The following TAF15 variants were observed in gnomAD, a reference collection of about 807,000 sequenced individuals.
TAF15 encodes TATA-binding protein-associated factor 2N.
A neutral mutation model predicts 102.5 loss-of-function variants in TAF15; 37 were observed. The ratio of observed to expected loss-of-function variants is 0.36; its 90% CI spans 0.28 to 0.47. The LOEUF is 0.47. Among genes scored for constraint, TAF15 ranks in the 20% least tolerant of loss-of-function variants. The probability of loss-of-function intolerance (pLI) is 0.99; values close to 1 mark genes in which losing one functional copy is unlikely to be tolerated. For synonymous variants in TAF15, 273 were observed against 259.2 expected, an observed-to-expected ratio of 1.05 and a Z score of -0.51; for missense variants, 652 against 760.7, an observed-to-expected ratio of 0.86 and a Z score of 1.68.
chr17:35,844,268 C>T lies in TAF15; in HGVS notation c.1089-12C>T. On this transcript the variant is annotated splice_polypyrimidine_tract_variant and intron_variant, in intron 13 of 15. Coordinates refer to ENST00000605844, the MANE Select transcript of TAF15 (RefSeq NM_139215.3). ...AACTATATAGGAGCATTATATTTTC[C>T]TCCTTTCTTAGGTCATGCGGAAATA... 6.2e-7 allele frequency: 1 copy of T among 1,614,088 alleles called. No individual in the cohort carries two copies.
chr17:35,824,047 T>C (rs766325897), intron 6 of TAF15, 31 bp from the exon 7 acceptor site: 1 of 1,614,000 alleles, frequency 6.2e-7, no homozygotes. Flanking sequence ...ATGAGAGTGG[T>C]TATTTGTGTG....
chr17:35,835,609 T>G (rs2087464252), intron 9 of TAF15, among the ~76,000 whole-genome samples: 1 of 152,250 alleles, frequency 6.6e-6, no homozygotes, highest in Non-Finnish European at 1.5e-5. Context: ...AATCCAAAAG[T>G]GTGCATGTCA....
rs766497184 is a variant in TAF15, at chr17:35,842,449, T to C, written c.996T>C (p.Gly332=). ...PEFMRGGGSG[G]GRRGRGGYRG... ...TCATGAGAGGAGGTGGAAGTGGAGG[T>C]GGGCGGCGAGGTAAGATCCTTGCTG... The change falls in exon 12 of 16, where the codon GGT becomes GGC. Residue 332 remains glycine (G), a synonymous_variant. Transcript: ENST00000605844. The C allele has an allele frequency of 6.2e-7, 1 of 1,613,616 alleles. No homozygotes were observed. The highest frequency in any genetic ancestry group is 1.3e-5 in the African/African-American group (1 of 74,868).
intron 15 of TAF15, among the ~76,000 whole-genome samples, chr17:35,845,633 C>G (rs4251788): frequency 0.14 from 21,954 of 152,086 alleles, 1,833 homozygotes; most frequent in East Asian, 0.22. Flanking sequence ...CCTCAGCCTC[C>G]CAAGTAGCTG....
At position 35,843,728 on chromosome 17, in the gene TAF15, C is replaced by T. The variant is rs184796300; in HGVS notation, c.1007-349C>T. The stretch of plus-strand genomic sequence containing the variant: ...GTTTTTGGATTTGGGCTGCTCAACT[C>T]GCAAGTATAAGGCAAATATTTCAAA... On this transcript the variant is annotated intron_variant, in intron 12 of 15. Coordinates refer to ENST00000605844, the MANE Select transcript of TAF15 (RefSeq NM_139215.3). Among the ~76,000 whole-genome samples, 104 of 152,160 alleles carry T rather than the reference C, an allele frequency of 6.8e-4. 2 individuals carry two copies. Among genetic ancestry groups the T allele is most frequent in the African/African-American group, 1.5e-3 (64 of 41,504 alleles).
In TAF15 at chr17:35,824,170, G is replaced by A. The variant is rs1416189464; in HGVS notation, c.577G>A (p.Asp193Asn). Residue 193 changes from aspartate (D) to asparagine (N), a missense_variant, in exon 7 of 16, where the codon GAT becomes AAT. By Grantham distance (23) the Asp-to-Asn change is conservative. Transcript: ENST00000605844. ...GGRGRGGYDK[D>N]GRGPMTGSSG... The stretch of plus-strand genomic sequence containing the variant: ...TAGAGGGCGTGGGGGATATGACAAG[G>A]ATGGAAGAGGTCCTATGACAGGATC... 2 of 1,613,976 alleles carry A rather than the reference G, an allele frequency of 1.2e-6. No homozygotes were observed. The highest frequency in any genetic ancestry group is 4.5e-5 in the East Asian group (2 of 44,880).
At chr17:35,838,329 A>G in intron 10 of TAF15, 95 bp from the exon 11 acceptor site, 1 of 1,534,994 alleles carries the variant, frequency 6.5e-7, no homozygotes, top group East Asian at 2.3e-5. Context: ...GAATGTGTGA[A>G]TTCCTTGTAA....
chr17:35,837,628 C>A (rs544682087), intron 10 of TAF15, among the ~76,000 whole-genome samples: 1 of 151,302 alleles, frequency 6.6e-6, no homozygotes, highest in South Asian at 2.1e-4. Context: ...GAGATCAAGA[C>A]CATCCTGGCT....
At chr17:35,815,845 ACT>A (rs1041480957) in intron 1 of TAF15, among the ~76,000 whole-genome samples, 1 of 151,412 alleles carries the variant, frequency 6.6e-6, no homozygotes, top group African/African-American at 2.4e-5. Flanking sequence ...GTTAGCTACA[ACT>A]CTAGCTATCT....
chr17:35,834,128 C>T (rs905235625), intron 8 of TAF15, 187 bp downstream of exon 8: 3 of 371,058 alleles, frequency 8.1e-6, no homozygotes, highest in Admixed American at 8.1e-5. Flanking sequence ...CATTAAAAAG[C>T]CAAAGTTGAT....
At chr17:35,809,859 G>A in intron 1 of TAF15, 2 of 585,048 alleles carry the variant, frequency 3.4e-6, no homozygotes, top group African/African-American at 3.7e-5. Flanking sequence ...GTGTGTGTGA[G>A]TCGGGGGGCG....
At chr17:35,846,440 G>T (rs751499475) in intron 15 of TAF15, among the ~76,000 whole-genome samples, 3 of 152,188 alleles carry the variant, frequency 2.0e-5, no homozygotes, top group Non-Finnish European at 4.4e-5. Flanking sequence ...ACTGTAAAGT[G>T]TTCTTATATT....
At chr17:35,840,614 C>A (rs192248628) in intron 11 of TAF15, among the ~76,000 whole-genome samples, 1 of 151,718 alleles carries the variant, frequency 6.6e-6, no homozygotes, top group East Asian at 2.0e-4. Flanking sequence ...GCCTGTAATC[C>A]CAGCACTTTG....
intron 7 of TAF15, chr17:35,833,589 G>T: frequency 4.1e-6 from 1 of 246,840 alleles, no homozygotes; most frequent in Non-Finnish European, 7.8e-6. Context: ...CTCTAGTTTA[G>T]TATTTTTCAT....
chr17:35,844,842 T>A lies in TAF15; in HGVS notation c.1543T>A (p.Tyr515Asn), dbSNP rs1387597922. 4 of 1,596,022 alleles carry A rather than the reference T, an allele frequency of 2.5e-6. No homozygotes were observed. In the African/African-American group the frequency reaches 4.2e-5, roughly 17 times the overall value. ...RGGYGGDRGG[Y>N]GGDRGGYGGD... ...AGGTTACGGAGGAGATCGAGGAGGT[T>A]ATGGAGGAGATCGAGGAGGCTATGG... The change falls in exon 15 of 16, where the codon TAT becomes AAT. Residue 515 changes from tyrosine (Y) to asparagine (N), a missense_variant. Tyr to Asn is a moderately radical substitution (Grantham distance 143). Coordinates refer to ENST00000605844, the MANE Select transcript of TAF15 (RefSeq NM_139215.3).
In TAF15 at chr17:35,838,479, G is replaced by A. The variant is rs923592778; in HGVS notation, c.839G>A (p.Gly280Glu). 1 of 1,614,166 alleles carries A rather than the reference G, an allele frequency of 6.2e-7. No individual in the cohort carries two copies. Among genetic ancestry groups the A allele is most frequent in the Non-Finnish European group, 8.5e-7 (1 of 1,180,024 alleles). The stretch of plus-strand genomic sequence containing the variant: ...AATCTTTATACAGACAAGGACACAG[G>A]AAAGCCAAAGGGGGAGGCAACAGTG... ...MINLYTDKDT[G>E]KPKGEATVSF... Residue 280 changes from glycine to glutamate, a missense_variant, in exon 11 of 16, where the codon GGA becomes GAA. Around this residue, in one of 3 missense-constraint regions of TAF15, gnomAD observed 41 missense variants for 109.1 expected, o/e 0.38. Transcript: ENST00000605844.
At chr17:35,815,372 C>CTT (rs888316140) in intron 1 of TAF15, among the ~76,000 whole-genome samples, 2 of 152,196 alleles carry the variant, frequency 1.3e-5, no homozygotes. Context: ...AACACCTGCA[C>CTT]TTTATCACTC....
chr17:35,824,454 G>A (rs556813293), intron 7 of TAF15, among the ~76,000 whole-genome samples: 1 of 152,242 alleles, frequency 6.6e-6, no homozygotes, highest in South Asian at 2.1e-4. Context: ...AACAACTATG[G>A]TTGTGATTAA....
chr17:35,838,155 C>G (rs573086796), intron 10 of TAF15, among the ~76,000 whole-genome samples: 1 of 152,152 alleles, frequency 6.6e-6, no homozygotes, highest in South Asian at 2.1e-4. Context: ...GCATTCCAAC[C>G]TGGGTGACAG....
Sources: allele counts gnomAD v4.1 joint callset (sites outside exome capture counted in the v4.1 genomes callset), GRCh38; gene constraint gnomAD v4.1.1; regional missense constraint gnomAD v4.1.1; transcripts MANE v1.5; gene names NCBI Gene and HGNC (gene_info 2026-07-23, HGNC 2026-07-21).